RAB5A: variants seen among roughly 807,000 people sequenced by gnomAD.
RAB5A encodes RAB5A, member RAS oncogene family.
RAB5A carries 8 observed loss-of-function variants against 25.7 expected under a neutral mutation model. The ratio of observed to expected loss-of-function variants is 0.31; its 90% CI spans 0.18 to 0.56. The LOEUF is 0.56. RAB5A is among the 20% of genes least tolerant of loss of function. The pLI is 0.91. For missense variants in RAB5A, 192 were observed against 259.7 expected, an observed-to-expected ratio of 0.74 and a Z score of 1.79; for synonymous variants, 98 against 89.8, an observed-to-expected ratio of 1.09 and a Z score of -0.52.
chr3:19,948,457 C>G (rs558147070), intron 1 of RAB5A, among the ~76,000 whole-genome samples: 1 of 152,086 alleles, frequency 6.6e-6, no homozygotes, highest in Non-Finnish European at 1.5e-5. Flanking sequence ...AGTGCCCAGT[C>G]AATTTTTTGA....
At chr3:19,970,612 T>C (rs1696736415) in intron 2 of RAB5A, 3 of 456,682 alleles carry the variant, frequency 6.6e-6, no homozygotes, top group Non-Finnish European at 1.3e-5. Flanking sequence ...AACCAACTGC[T>C]AGTGCTGGTG....
At chr3:19,958,165 G>T (rs1199365316) in intron 2 of RAB5A, among the ~76,000 whole-genome samples, 2 of 152,188 alleles carry the variant, frequency 1.3e-5, no homozygotes, top group South Asian at 2.1e-4. Context: ...GAGAAAAATT[G>T]TGTGTTTGAA....
intron 4 of RAB5A, among the ~76,000 whole-genome samples, chr3:19,976,490 A>G (rs115883068): frequency 0.026 from 3,971 of 152,232 alleles, 160 homozygotes; most frequent in African/African-American, 0.09. Flanking sequence ...GTTCAAGACC[A>G]ACCTAACCAA....
At chr3:19,956,254 C>T (rs35757621) in intron 2 of RAB5A, among the ~76,000 whole-genome samples, 30,969 of 152,012 alleles carry the variant, frequency 0.2, 3,827 homozygotes, top group African/African-American at 0.34. Context: ...TGGCAGATCA[C>T]GAGGTCAGGA....
intron 2 of RAB5A, among the ~76,000 whole-genome samples, chr3:19,955,419 A>G (rs1034457704): frequency 6.6e-6 from 1 of 152,236 alleles, no homozygotes; most frequent in Non-Finnish European, 1.5e-5. Context: ...AAAATGTAGA[A>G]TCCCGTGTTG....
intron 2 of RAB5A, among the ~76,000 whole-genome samples, chr3:19,960,385 CA>C (rs1407900968): frequency 2.0e-5 from 3 of 152,164 alleles, no homozygotes; most frequent in African/African-American, 7.2e-5. Context: ...ACTGCAGCCT[CA>C]ACTTCTGGGC....
chr3:19,972,503 A>G (rs190859686), intron 2 of RAB5A, among the ~76,000 whole-genome samples: 1 of 150,424 alleles, frequency 6.6e-6, no homozygotes, highest in Non-Finnish European at 1.5e-5. Flanking sequence ...TGAGGAATGA[A>G]TTGATTATCT....
Position 19,971,101 on chromosome 3 carries a change from G to A in RAB5A, c.164-4500G>A, listed in dbSNP as rs140077751. On this transcript the variant is annotated intron_variant, in intron 2 of 5. Transcript: ENST00000273047. ...AATCCCAGCTACTCGGGAGGCTGAG[G>A]CAGGAGAATCACTCGAACCCAGGAA... Among the ~76,000 whole-genome samples the A allele has an allele frequency of 9.6e-3, 1,450 of 151,068 alleles. 22 individuals carry two copies. Among genetic ancestry groups the A allele is most frequent in the African/African-American group, 0.031 (1,276 of 41,102 alleles).
At chr3:19,963,367 C>CCCG (rs1359666794) in intron 2 of RAB5A, among the ~76,000 whole-genome samples, 1 of 15,090 alleles carries the variant, frequency 6.6e-5, no homozygotes, top group African/African-American at 3.1e-4. Flanking sequence ...GAATTTCACC[C>CCCG]CCCCCCCCCC....
chr3:19,969,031 G>GTTTTT (rs1162365486), intron 2 of RAB5A, among the ~76,000 whole-genome samples: 1 of 99,700 alleles, frequency 1.0e-5, no homozygotes, highest in South Asian at 3.1e-4. Context: ...TTTGGTTTTG[G>GTTTTT]TTTTTTTTTT....
At position 19,976,248 on chromosome 3, in the gene RAB5A, A is replaced by G; in HGVS notation, c.438+79A>G. ...TTTCATGTCAACACTTGAATTAGTT[A>G]TAATGTCAAAACCATGCAAGTAATA... is the stretch of plus-strand genomic sequence containing the variant. On this transcript the variant is annotated intron_variant, in intron 4 of 5. Transcript: ENST00000273047. 4 of 1,464,408 alleles carry G rather than the reference A, an allele frequency of 2.7e-6. No individual in the cohort carries two copies. The South Asian group carries it at 3.9e-5, about 14-fold the overall frequency. 90.7% of individuals were successfully genotyped at this position (1,464,408 alleles called of 1,614,324 possible). A position where few individuals can be genotyped will look rare whatever the true frequency, so the allele number is the denominator to read the frequency against.
chr3:19,961,496 C>G (rs1696584312), intron 2 of RAB5A, among the ~76,000 whole-genome samples: 1 of 152,066 alleles, frequency 6.6e-6, no homozygotes, highest in East Asian at 1.9e-4. Context: ...CTATGTATCA[C>G]TTAAGGAAAA....
chr3:19,974,626 A>T (rs1696796044), intron 2 of RAB5A, among the ~76,000 whole-genome samples: 1 of 151,958 alleles, frequency 6.6e-6, no homozygotes, highest in Admixed American at 6.6e-5. Context: ...TTTAAAAAAT[A>T]ATATAGCAAG....
intron 2 of RAB5A, among the ~76,000 whole-genome samples, chr3:19,969,087 C>G (rs1696707641): frequency 7.1e-6 from 1 of 140,802 alleles, no homozygotes. Context: ...TCTTGTTGCC[C>G]AGACTGGGGT....
chr3:19,983,977 C>T lies in RAB5A; in HGVS notation c.*154C>T. On this transcript the variant is annotated 3_prime_UTR_variant, in exon 6 of 6. Transcript: ENST00000273047. ...ACAGAATTATTTTAAGTGTTTTGAA[C>T]TTAATTTTTAATAACATGCATGGGT... 1 of 604,404 alleles carries T rather than the reference C, an allele frequency of 1.7e-6. No individual in the cohort carries two copies. The highest frequency in any genetic ancestry group is 3.3e-5 in the Admixed American group (1 of 30,726). The allele number at this position is 604,404 out of a possible 1,614,324, so 37.4% of individuals were successfully genotyped here.
chr3:19,969,488 A>G (rs1696713162), intron 2 of RAB5A, among the ~76,000 whole-genome samples: 1 of 152,304 alleles, frequency 6.6e-6, no homozygotes, highest in Non-Finnish European at 1.5e-5. Context: ...GTTTTTCTAA[A>G]CATTTATAAT....
chr3:19,973,399 G>A (rs1447042809), intron 2 of RAB5A, among the ~76,000 whole-genome samples: 8 of 142,746 alleles, frequency 5.6e-5, no homozygotes, highest in Non-Finnish European at 1.2e-4. Context: ...TTTTTTGCAA[G>A]TCTGCATCAA....
intron 2 of RAB5A, chr3:19,951,350 TCTAG>T (rs1696419421): frequency 1.2e-5 from 3 of 258,784 alleles, no homozygotes; most frequent in Non-Finnish European, 2.2e-5. Flanking sequence ...GATACCTATT[TCTAG>T]CTAACAACTA....
chr3:19,962,825 AT>A (rs57293404), intron 2 of RAB5A, among the ~76,000 whole-genome samples: 30,962 of 151,132 alleles, frequency 0.2, 3,846 homozygotes, highest in African/African-American at 0.35. Context: ...TTCTTTTTTG[AT>A]TTTTTTTTGA....
Sources: allele counts gnomAD v4.1 joint callset (sites outside exome capture counted in the v4.1 genomes callset), GRCh38; gene constraint gnomAD v4.1.1; transcripts MANE v1.5; gene names NCBI Gene and HGNC (gene_info 2026-07-23, HGNC 2026-07-21).